ASTN1: variants seen among roughly 807,000 people sequenced by gnomAD.
ASTN1 encodes the protein astrotactin-1.
A neutral mutation model predicts 140.7 loss-of-function variants in ASTN1; 41 were observed. The observed-to-expected ratio is 0.29, with a 90% CI of 0.23 to 0.38. The LOEUF (loss-of-function observed/expected upper bound fraction) is 0.38. Among genes scored for constraint, ASTN1 ranks in the 10% least tolerant of loss-of-function variants. ASTN1 has a pLI of 1.00. For missense variants in ASTN1, 1,479 were observed against 1,678.8 expected, an observed-to-expected ratio of 0.88 and a Z score of 2.08; for synonymous variants, 640 against 652.2, an observed-to-expected ratio of 0.98 and a Z score of 0.29.
chr1:177,140,472 C>A (rs1372307526), intron 1 of ASTN1, among the ~76,000 whole-genome samples: 3 of 152,160 alleles, frequency 2.0e-5, no homozygotes. Flanking sequence ...TTATGGGAAA[C>A]AAGGCTAACT....
chr1:177,123,221 C>T (rs1681485583), intron 1 of ASTN1, among the ~76,000 whole-genome samples: 1 of 152,150 alleles, frequency 6.6e-6, no homozygotes, highest in South Asian at 2.1e-4. Flanking sequence ...CGCAAACCCT[C>T]TCAGTACAGG....
At chr1:177,092,747 T>C (rs1000815400) in intron 1 of ASTN1, among the ~76,000 whole-genome samples, 1 of 152,228 alleles carries the variant, frequency 6.6e-6, no homozygotes, top group Non-Finnish European at 1.5e-5. Flanking sequence ...CCCAGCACTT[T>C]TTTTGACAAA....
intron 16 of ASTN1, among the ~76,000 whole-genome samples, chr1:176,914,964 C>T (rs905549883): frequency 3.3e-5 from 5 of 152,072 alleles, no homozygotes; most frequent in African/African-American, 1.2e-4. Flanking sequence ...CTTTTAGGGT[C>T]CTTTAGTATC....
rs147993551 is a variant in ASTN1 at position 177,046,145 on chromosome 1, T to C, written c.472-13296A>G. On this transcript the variant is annotated intron_variant, in intron 2 of 22. Coordinates refer to ENST00000361833, the MANE Select transcript of ASTN1 (RefSeq NM_004319.3). ...TTTTCTGCCACCACACCATGAGAGA[T>C]ACAGGCTACAAACCGGGTAGACCCC... Among the ~76,000 whole-genome samples the C allele has an allele frequency of 5.6e-4, 86 of 152,254 alleles. 1 individual carries two copies. Among genetic ancestry groups the C allele is most frequent in the Admixed American group, 1.5e-3 (23 of 15,290 alleles).
chr1:176,944,002 G>C lies in ASTN1; in HGVS notation c.2266C>G (p.Arg756Gly), dbSNP rs1177834978. The C allele has an allele frequency of 2.5e-6, 4 of 1,613,802 alleles. No individual in the cohort carries two copies. The highest frequency in any genetic ancestry group is 1.7e-5 in the Admixed American group (1 of 59,986). Residue 756 changes from arginine to glycine, a missense_variant, in exon 14 of 23, where the codon CGT (arginine) becomes GGT (glycine). Physicochemically the swap from Arg to Gly is moderately radical, Grantham distance 125. Transcript: ENST00000361833. The part of the protein sequence containing the change: ...KGTFRQNNFA[R>G]GLDQQLPDGL... ...TCTGGCAGTTGCTGGTCTAAACCAC[G>C]AGCAAAGTTGTTTTGCCTAGAAAGA...
chr1:176,887,009 C>T (rs1669055838), intron 18 of ASTN1, among the ~76,000 whole-genome samples: 1 of 152,182 alleles, frequency 6.6e-6, no homozygotes, highest in Non-Finnish European at 1.5e-5. Context: ...GTTTCGTCTT[C>T]CATTGAGGGG....
At chr1:177,129,811 A>G (rs190856083) in intron 1 of ASTN1, among the ~76,000 whole-genome samples, 269 of 152,266 alleles carry the variant, frequency 1.8e-3, no homozygotes, top group African/African-American at 6.1e-3. Flanking sequence ...TGCTTAAAAT[A>G]CAAAAACTAG....
chr1:176,945,056 A>C lies in ASTN1; in HGVS notation c.2249+870T>G, dbSNP rs1454402509. ...CCTCCTCCTCTTCCTCCTCTTCCTC[A>C]TCATCATCTCCCAGAAAATATTTTC... On this transcript the variant is annotated intron_variant, in intron 13 of 22. Coordinates refer to ENST00000361833, the MANE Select transcript of ASTN1 (RefSeq NM_004319.3). Among the ~76,000 whole-genome samples the C allele has an allele frequency of 2.5e-4, 38 of 152,138 alleles. 1 individual carries two copies. The highest frequency in any genetic ancestry group is 2.5e-3 in the Admixed American group (38 of 15,274).
rs1157448509 is a variant in ASTN1 at position 176,894,691 on chromosome 1, T to G, written c.2811A>C (p.Gly937=). 1 of 1,614,104 alleles carries G rather than the reference T, an allele frequency of 6.2e-7. No individual in the cohort carries two copies. The highest frequency in any genetic ancestry group is 1.1e-5 in the South Asian group (1 of 91,088). ...AGVRMECHSK[G]RCPSSCPLCH... is the part of the protein sequence containing the mutation. Reference sequence around the variant, plus strand: ...ACAGGGGGCAGGACGAGGGGCATCGTCCCTTGCTGTGGCACTCCATGCGGA... The same window carrying G: ...ACAGGGGGCAGGACGAGGGGCATCGGCCCTTGCTGTGGCACTCCATGCGGA... The change falls in exon 17 of 23, where the codon GGA becomes GGC. Residue 937 remains glycine, a synonymous_variant. Transcript: ENST00000361833.
Position 177,107,952 on chromosome 1 carries a change from G to A in ASTN1, c.284-46687C>T, listed in dbSNP as rs542867633. On this transcript the variant is annotated intron_variant, in intron 1 of 22. Transcript: ENST00000361833. ...TTTTTTTAAGGGATGTTACAAAAGG[G>A]AAGAAGTTGCAATCAATTTAACCAA... Among the ~76,000 whole-genome samples the A allele has an allele frequency of 8.6e-3, 1,310 of 152,186 alleles. 9 individuals carry two copies. Among genetic ancestry groups the A allele is most frequent in the Middle Eastern group, 0.024 (7 of 292 alleles).
At chr1:177,091,538 C>A (rs1295795185) in intron 1 of ASTN1, among the ~76,000 whole-genome samples, 1 of 152,090 alleles carries the variant, frequency 6.6e-6, no homozygotes, top group Non-Finnish European at 1.5e-5. Flanking sequence ...ATAAACATGT[C>A]TTTTTAATTG....
At chr1:177,035,310 C>T (rs1411218479) in intron 2 of ASTN1, among the ~76,000 whole-genome samples, 2 of 152,158 alleles carry the variant, frequency 1.3e-5, no homozygotes, top group Admixed American at 6.5e-5. Flanking sequence ...ACATCTACAC[C>T]CTGGCATCTA....
intron 1 of ASTN1, among the ~76,000 whole-genome samples, chr1:177,131,709 G>C (rs886330088): frequency 6.6e-6 from 1 of 152,160 alleles, no homozygotes; most frequent in Admixed American, 6.6e-5. Context: ...GAATACCTGA[G>C]AGCAGGTAGT....
chr1:177,114,600 T>C (rs1680990175), intron 1 of ASTN1, among the ~76,000 whole-genome samples: 1 of 152,152 alleles, frequency 6.6e-6, no homozygotes, highest in South Asian at 2.1e-4. Context: ...ACTGATACAG[T>C]CCACCCACCT....
intron 8 of ASTN1, among the ~76,000 whole-genome samples, chr1:176,987,903 G>T (rs1243776654): frequency 6.6e-6 from 1 of 152,142 alleles, no homozygotes; most frequent in Admixed American, 6.5e-5. Context: ...GCAACTAACA[G>T]GATATGTGTG....
intron 1 of ASTN1, among the ~76,000 whole-genome samples, chr1:177,137,682 T>C (rs1387434875): frequency 6.6e-6 from 1 of 152,216 alleles, no homozygotes; most frequent in African/African-American, 2.4e-5. Context: ...TCTTTTTGGA[T>C]GCCCAGCACC....
intron 15 of ASTN1, among the ~76,000 whole-genome samples, chr1:176,935,795 C>T (rs1020429664): frequency 6.6e-6 from 1 of 152,072 alleles, no homozygotes; most frequent in Non-Finnish European, 1.5e-5. Flanking sequence ...CTCTCAATCT[C>T]TCAGTCTCTT....
chr1:177,164,639 C>T lies in ASTN1; in HGVS notation c.38G>A (p.Cys13Tyr), dbSNP rs758697342. The change falls in exon 1 of 23, where the codon TGC becomes TAC. Residue 13 changes from cysteine (C) to tyrosine (Y), a missense_variant. Cys to Tyr is a radical substitution (Grantham distance 194, BLOSUM62 -2). This residue lies in a region of ASTN1 where 729 missense variants were observed against 860.4 expected (regional missense o/e 0.85). Coordinates refer to ENST00000361833, the MANE Select transcript of ASTN1 (RefSeq NM_004319.3). ...GGCCAGCACCGCCGCCGGCCCCCAG[C>T]AGCAGGCGAGCAGGGCGCAGAGCCC... ...LAGLCALLAC[C>Y]WGPAAVLATA... The T allele has an allele frequency of 1.9e-6, 3 of 1,605,448 alleles. No individual in the cohort carries two copies. In the South Asian group the frequency reaches 3.3e-5, roughly 18 times the overall value.
chr1:177,020,310 C>A (rs1675760277), intron 7 of ASTN1, among the ~76,000 whole-genome samples: 1 of 152,184 alleles, frequency 6.6e-6, no homozygotes, highest in African/African-American at 2.4e-5. Context: ...ATGAGTTTCA[C>A]TGGGCTAAAA....
Sources: allele counts gnomAD v4.1 joint callset (sites outside exome capture counted in the v4.1 genomes callset), GRCh38; gene constraint gnomAD v4.1.1; regional missense constraint gnomAD v4.1.1; transcripts MANE v1.5; gene names NCBI Gene and HGNC (gene_info 2026-07-23, HGNC 2026-07-21).